RB1: variants seen among roughly 807,000 people sequenced by gnomAD.
RB1 encodes the protein retinoblastoma-associated protein.
RB1 carries 18 observed loss-of-function variants against 135.4 expected under a neutral mutation model. That is an observed-to-expected ratio of 0.13 (90% CI 0.09 to 0.20). The LOEUF is 0.20. Ranked by LOEUF, RB1 falls within the 10% of genes least tolerant of loss-of-function variation. The pLI is 1.00. For missense variants in RB1, 868 were observed against 1,110.0 expected (o/e 0.78, Z 3.10); for synonymous variants, 365 against 373.2 (o/e 0.98, Z 0.25).
chr13:48,328,307 A>G, intron 2 of RB1: 29 of 1,593,038 alleles, frequency 1.8e-5, no homozygotes, highest in Non-Finnish European at 2.3e-5. Context: ...GAGTTTTTGG[A>G]GCAAGAGTTG....
chr13:48,424,784 G>A (rs1257213722), intron 17 of RB1, among the ~76,000 whole-genome samples: 3 of 152,172 alleles, frequency 2.0e-5, no homozygotes, highest in African/African-American at 7.2e-5. Context: ...CATGTGTGGT[G>A]GCTCATGCAT....
intron 20 of RB1, among the ~76,000 whole-genome samples, chr13:48,460,817 C>T (rs1236923643): frequency 6.6e-6 from 1 of 152,030 alleles, no homozygotes; most frequent in Non-Finnish European, 1.5e-5. Context: ...AAAAATTAGC[C>T]AGGTGTGGTG....
chr13:48,387,000 C>T (rs1217539258), intron 17 of RB1, among the ~76,000 whole-genome samples: 1 of 151,656 alleles, frequency 6.6e-6, no homozygotes, highest in Non-Finnish European at 1.5e-5. Flanking sequence ...GAAACTATGA[C>T]TTGTCGAGTT....
At chr13:48,440,022 G>A (rs1431907483) in intron 17 of RB1, among the ~76,000 whole-genome samples, 1 of 152,082 alleles carries the variant, frequency 6.6e-6, no homozygotes, top group African/African-American at 2.4e-5. Flanking sequence ...GAAGTATCAG[G>A]AATAGGGTAG....
chr13:48,318,952 G>T, intron 2 of RB1: 2 of 920,698 alleles, frequency 2.2e-6, no homozygotes, highest in Non-Finnish European at 3.5e-6. Context: ...TCAGGGAGTA[G>T]AAGCGTGGGC....
chr13:48,454,723 A>G (rs888686295), intron 18 of RB1, among the ~76,000 whole-genome samples: 4 of 152,248 alleles, frequency 2.6e-5, no homozygotes, highest in African/African-American at 7.2e-5. Context: ...ATAAAGTGAT[A>G]TTTTGACGTC....
At chr13:48,357,268 CATATT>C (rs1415786328) in intron 6 of RB1, among the ~76,000 whole-genome samples, 2 of 151,868 alleles carry the variant, frequency 1.3e-5, no homozygotes, top group Non-Finnish European at 2.9e-5. Context: ...TGTCTTCTCT[CATATT>C]ATTCTGAATT....
chr13:48,317,075 C>T (rs1952190749), intron 2 of RB1: 1 of 810,306 alleles, frequency 1.2e-6, no homozygotes. Context: ...TGCTGCTTGG[C>T]CAGGGCCCGC....
At chr13:48,452,445 T>G (rs1949333619) in intron 17 of RB1, among the ~76,000 whole-genome samples, 1 of 152,140 alleles carries the variant, frequency 6.6e-6, no homozygotes. Flanking sequence ...TTTGTAGTAA[T>G]TTTCCACTTG....
chr13:48,385,845 G>A (rs1747386749), intron 17 of RB1, among the ~76,000 whole-genome samples: 1 of 152,098 alleles, frequency 6.6e-6, no homozygotes, highest in Admixed American at 6.6e-5. Context: ...CATTTATGAT[G>A]TTCAGGATAC....
At chr13:48,393,572 G>T (rs1164021897) in intron 17 of RB1, among the ~76,000 whole-genome samples, 2 of 152,128 alleles carry the variant, frequency 1.3e-5, no homozygotes, top group Non-Finnish European at 2.9e-5. Flanking sequence ...ATCAGAGCTG[G>T]CAGGGTTACT....
At chr13:48,334,323 A>G (rs1036355074) in intron 2 of RB1, among the ~76,000 whole-genome samples, 2 of 152,184 alleles carry the variant, frequency 1.3e-5, no homozygotes, top group Admixed American at 6.5e-5. Context: ...AGACTGCTGT[A>G]AGCTCATATT....
At chr13:48,330,268 C>A (rs934226618) in intron 2 of RB1, among the ~76,000 whole-genome samples, 2 of 151,670 alleles carry the variant, frequency 1.3e-5, no homozygotes, top group African/African-American at 4.8e-5. Context: ...TCTCTCAGAA[C>A]TAGGTAGAAA....
intron 17 of RB1, among the ~76,000 whole-genome samples, chr13:48,408,985 T>G (rs545295114): frequency 9.9e-5 from 15 of 152,270 alleles, no homozygotes; most frequent in African/African-American, 3.6e-4. Context: ...CTCAACTCAG[T>G]ATGTTTAAGA....
intron 2 of RB1, among the ~76,000 whole-genome samples, chr13:48,327,547 T>G (rs1304803726): frequency 6.6e-6 from 1 of 152,208 alleles, no homozygotes; most frequent in Non-Finnish European, 1.5e-5. Flanking sequence ...TAGTTTATGA[T>G]GACTTGAAAG....
chr13:48,322,989 T>G (rs1952254364), intron 2 of RB1, among the ~76,000 whole-genome samples: 1 of 152,126 alleles, frequency 6.6e-6, no homozygotes, highest in Non-Finnish European at 1.5e-5. Flanking sequence ...TTCCTTGTGC[T>G]GTCTTTGTCT....
intron 2 of RB1, chr13:48,320,085 C>T: frequency 1.6e-6 from 1 of 631,606 alleles, no homozygotes; most frequent in Non-Finnish European, 2.7e-6. Context: ...TCCCGGATGG[C>T]TTCCGCAATG....
rs1952050835 is a variant in RB1 at position 48,303,896 on chromosome 13, C to A, written c.-17C>A. On this transcript the variant is annotated 5_prime_UTR_variant, in exon 1 of 27. Coordinates refer to ENST00000267163, the MANE Select transcript of RB1 (RefSeq NM_000321.3). The stretch of plus-strand genomic sequence containing the variant: ...CGCTCCTCCACAGCTCGCTGGCTCC[C>A]GCCGCGGAAAGGCGTCATGCCGCCC... 6.6e-7 allele frequency: 1 copy of A among 1,514,354 alleles called. No individual in the cohort carries two copies. The allele number at this position is 1,514,354 out of a possible 1,614,324, so 93.8% of individuals were successfully genotyped here.
chr13:48,454,044 G>T (rs1949345371), intron 18 of RB1, among the ~76,000 whole-genome samples: 1 of 152,172 alleles, frequency 6.6e-6, no homozygotes, highest in Non-Finnish European at 1.5e-5. Flanking sequence ...ACTGTGTGCT[G>T]GGCAATGGCC....
Sources: gnomAD v4.1 joint callset for allele counts (sites outside exome capture counted in the v4.1 genomes callset) on GRCh38, gnomAD v4.1.1 for gene constraint, MANE v1.5 for transcripts, NCBI Gene and HGNC (gene_info 2026-07-23, HGNC 2026-07-21) for gene names.